The following ITGA9 variants were observed in gnomAD, a reference collection of about 807,000 sequenced individuals.
ITGA9 encodes integrin subunit alpha 9, also known as integrin alpha-9.
ITGA9 carries 56 observed loss-of-function variants against 127.8 expected under a neutral mutation model. The observed-to-expected ratio is 0.44, with a 90% CI of 0.35 to 0.55. ITGA9 has a LOEUF of 0.55. ITGA9 is among the 20% of genes least tolerant of loss of function. The pLI, the probability that ITGA9 is intolerant of heterozygous loss-of-function variation, is 0.00. For missense variants in ITGA9, 1,196 were observed against 1,347.1 expected (o/e 0.89, Z 1.76); for synonymous variants, 508 against 514.5 (o/e 0.99, Z 0.17).
intron 12 of ITGA9, among the ~76,000 whole-genome samples, chr3:37,525,682 A>T (rs888207960): frequency 2.6e-5 from 4 of 152,260 alleles, no homozygotes; most frequent in Admixed American, 2.0e-4. Flanking sequence ...CAATATAGCC[A>T]ACATATTATC....
At chr3:37,527,653 G>GC (rs1286868661) in intron 13 of ITGA9, among the ~76,000 whole-genome samples, 11 of 152,146 alleles carry the variant, frequency 7.2e-5, no homozygotes, top group Non-Finnish European at 1.2e-4. Context: ...GAATCTGGTT[G>GC]CTCTAGTTGG....
chr3:37,545,965 T>C (rs1438387751), intron 15 of ITGA9, among the ~76,000 whole-genome samples: 1 of 152,232 alleles, frequency 6.6e-6, no homozygotes, highest in Non-Finnish European at 1.5e-5. Context: ...GTTTGTGTCA[T>C]ATTCATGTAG....
In ITGA9 at chr3:37,823,027, A is replaced by G. The variant is rs1207634594; in HGVS notation, c.*4038A>G. 6.6e-6 allele frequency: 1 copy of G among 151,650 alleles called. No individual in the cohort carries two copies. Among genetic ancestry groups the G allele is most frequent in the African/African-American group, 2.4e-5 (1 of 41,148 alleles). The allele number at this position is 151,650 out of a possible 1,614,324, so 9.4% of individuals were successfully genotyped here. Reference sequence around the variant, plus strand: ...TGATATATAGAATAATAATATACACAGTGGAGAATATTCAAAGAGTGGCTG... The same window carrying G: ...TGATATATAGAATAATAATATACACGGTGGAGAATATTCAAAGAGTGGCTG... On this transcript the variant is annotated 3_prime_UTR_variant, in exon 28 of 28. Transcript: ENST00000264741.
chr3:37,752,026 C>T (rs1180837457), intron 23 of ITGA9, among the ~76,000 whole-genome samples: 2 of 152,180 alleles, frequency 1.3e-5, no homozygotes, highest in East Asian at 3.9e-4. Context: ...AGAATGACAA[C>T]AAGAGTAGAA....
At chr3:37,546,920 A>G (rs952855859) in intron 15 of ITGA9, among the ~76,000 whole-genome samples, 5 of 152,222 alleles carry the variant, frequency 3.3e-5, no homozygotes, top group Admixed American at 2.0e-4. Context: ...ATCCTGTACA[A>G]TACCTTGAGA....
chr3:37,659,647 T>A (rs1700513602), intron 17 of ITGA9, among the ~76,000 whole-genome samples: 1 of 151,924 alleles, frequency 6.6e-6, no homozygotes, highest in African/African-American at 2.4e-5. Context: ...CTCAGAGGAG[T>A]TTGTTATTAC....
intron 4 of ITGA9, among the ~76,000 whole-genome samples, chr3:37,490,975 CTTT>C (rs1553642022): frequency 3.8e-5 from 4 of 105,094 alleles, no homozygotes; most frequent in African/African-American, 7.2e-5. Context: ...TTCCCCCCCG[CTTT>C]TTTTTTTTTT....
chr3:37,525,377 T>A (rs1480871939), intron 12 of ITGA9, among the ~76,000 whole-genome samples: 2 of 152,170 alleles, frequency 1.3e-5, no homozygotes, highest in Non-Finnish European at 2.9e-5. Flanking sequence ...ATTTTCTGAT[T>A]TAAATGTAAT....
chr3:37,621,144 T>C (rs1700124440), intron 15 of ITGA9, among the ~76,000 whole-genome samples: 1 of 151,570 alleles, frequency 6.6e-6, no homozygotes, highest in Non-Finnish European at 1.5e-5. Context: ...GATGCTTTTA[T>C]AAGGGGAAAC....
At chr3:37,675,642 C>T (rs887814658) in intron 17 of ITGA9, among the ~76,000 whole-genome samples, 1 of 151,104 alleles carries the variant, frequency 6.6e-6, no homozygotes, top group South Asian at 2.1e-4. Flanking sequence ...GAAAAGCACA[C>T]ATATGTTACG....
At chr3:37,684,089 A>C (rs4282019) in intron 18 of ITGA9, 74 bp downstream of exon 18, 154,333 of 1,206,056 alleles carry the variant, frequency 0.13, 11,098 homozygotes, top group South Asian at 0.24. Flanking sequence ...ATTGCCTGGA[A>C]TAGGCAATGA....
intron 25 of ITGA9, among the ~76,000 whole-genome samples, chr3:37,780,769 A>T (rs1696967474): frequency 6.6e-6 from 1 of 152,128 alleles, no homozygotes; most frequent in South Asian, 2.1e-4. Flanking sequence ...TTTTGATTGT[A>T]CTAATTTATC....
intron 23 of ITGA9, among the ~76,000 whole-genome samples, chr3:37,771,323 G>A (rs1012737392): frequency 1.3e-5 from 2 of 152,198 alleles, no homozygotes; most frequent in African/African-American, 4.8e-5. Flanking sequence ...CCAAGTTGTG[G>A]GAGGATGGAT....
intron 20 of ITGA9, among the ~76,000 whole-genome samples, 200 bp downstream of exon 20, chr3:37,737,183 C>T (rs966334562): frequency 2.0e-5 from 3 of 152,172 alleles, no homozygotes; most frequent in African/African-American, 7.2e-5. Context: ...ATAGCCGCCA[C>T]TGCAGATTGA....
intron 15 of ITGA9, among the ~76,000 whole-genome samples, chr3:37,564,969 T>C (rs113075975): frequency 2.6e-5 from 4 of 152,348 alleles, no homozygotes; most frequent in African/African-American, 7.2e-5. Flanking sequence ...ATGGGCCTGA[T>C]CTTGGGCTTC....
At chr3:37,639,364 G>A (rs943166764) in intron 16 of ITGA9, among the ~76,000 whole-genome samples, 5 of 152,222 alleles carry the variant, frequency 3.3e-5, no homozygotes, top group Admixed American at 3.3e-4. Context: ...TTAGATTAGT[G>A]TGTAAGAATT....
intron 6 of ITGA9, 71 bp from the exon 7 acceptor site, chr3:37,505,929 T>C: frequency 8.8e-7 from 1 of 1,132,086 alleles, no homozygotes; most frequent in Non-Finnish European, 1.3e-6. Flanking sequence ...AACATTTTCC[T>C]CTGATGGATG....
At chr3:37,456,913 C>T (rs1698265274) in intron 1 of ITGA9, among the ~76,000 whole-genome samples, 1 of 152,136 alleles carries the variant, frequency 6.6e-6, no homozygotes, top group African/African-American at 2.4e-5. Context: ...GTTGCACTTG[C>T]CACATTTCAA....
Position 37,549,017 on chromosome 3 carries a change from G to A in ITGA9, c.1689+6432G>A, listed in dbSNP as rs538232395. Among the ~76,000 whole-genome samples the A allele has an allele frequency of 4.6e-5, 7 of 152,324 alleles. 1 individual carries two copies. The highest frequency in any genetic ancestry group is 2.1e-4 in the South Asian group (1 of 4,826). ...TCAGGTGTGAAGCCGCTGCTCATGC[G>A]ATATGCTCTGCTCACACAGATGGCA... On this transcript the variant is annotated intron_variant, in intron 15 of 27. Coordinates refer to ENST00000264741, the MANE Select transcript of ITGA9 (RefSeq NM_002207.3).
Sources: gnomAD v4.1 joint callset for allele counts (sites outside exome capture counted in the v4.1 genomes callset) on GRCh38, gnomAD v4.1.1 for gene constraint, MANE v1.5 for transcripts, NCBI Gene and HGNC (gene_info 2026-07-23, HGNC 2026-07-21) for gene names.